Variants in PTPRD observed in about 807,000 individuals in gnomAD.
The protein encoded by PTPRD is receptor-type tyrosine-protein phosphatase delta.
In PTPRD, 34 loss-of-function variants were observed where a neutral mutation model predicts 214.5. That is an observed-to-expected ratio of 0.16 (90% CI 0.12 to 0.21). The LOEUF (loss-of-function observed/expected upper bound fraction) is 0.21, where lower values mean the gene tolerates loss of function less well. Among genes scored for constraint, PTPRD ranks in the 10% least tolerant of loss-of-function variants. PTPRD has a pLI of 1.00. For synonymous variants in PTPRD, 1,128 were observed against 845.7 expected (o/e 1.33, Z -5.79); for missense variants, 2,545 against 2,398.7 (o/e 1.06, Z -1.27).
chr9:10,278,758 A>C (rs1415968765), intron 3 of PTPRD, among the ~76,000 whole-genome samples: 1 of 150,362 alleles, frequency 6.7e-6, no homozygotes, highest in Non-Finnish European at 1.5e-5. Context: ...TGTGTGGTAA[A>C]AGGTTTTTTT....
chr9:9,972,776 G>A (rs1175268181), intron 4 of PTPRD, among the ~76,000 whole-genome samples: 2 of 152,058 alleles, frequency 1.3e-5, no homozygotes, highest in Non-Finnish European at 2.9e-5. Context: ...TGGCTTACGG[G>A]CATCATTACT....
chr9:8,872,457 C>T (rs979566327), intron 11 of PTPRD, among the ~76,000 whole-genome samples: 8 of 152,082 alleles, frequency 5.3e-5, no homozygotes, highest in African/African-American at 1.9e-4. Context: ...CTGTGTAAAA[C>T]TGGGAATATG....
chr9:10,426,968 T>A (rs1389429620), intron 2 of PTPRD, among the ~76,000 whole-genome samples: 1 of 152,080 alleles, frequency 6.6e-6, no homozygotes, highest in Non-Finnish European at 1.5e-5. Flanking sequence ...AGGCCCAATG[T>A]ATCAATATTA....
At chr9:8,548,455 C>T (rs906069224) in intron 14 of PTPRD, among the ~76,000 whole-genome samples, 1 of 151,994 alleles carries the variant, frequency 6.6e-6, no homozygotes, top group Non-Finnish European at 1.5e-5. Context: ...GCAACCTCAC[C>T]CTCCCAGGTT....
chr9:10,309,598 C>G lies in PTPRD; in HGVS notation c.-545+31365G>C, dbSNP rs1433285940. On this transcript the variant is annotated intron_variant, in intron 3 of 45. Coordinates refer to ENST00000381196, the MANE Select transcript of PTPRD (RefSeq NM_002839.4). The stretch of plus-strand genomic sequence containing the variant: ...CAGGCTGGTTTCAAACTCCTGACCT[C>G]AAATGATCTGCCCACCTCAGCCTAC... Among the ~76,000 whole-genome samples the G allele has an allele frequency of 2.6e-5, 4 of 151,240 alleles. No homozygotes were observed. The Admixed American group carries it at 2.6e-4, about 10-fold the overall frequency.
chr9:9,392,101 G>A lies in PTPRD; in HGVS notation c.-203+5348C>T, dbSNP rs117213507. 7.3e-3 allele frequency among the ~76,000 whole-genome samples: 1,114 copies of A among 152,172 alleles called. 12 individuals carry two copies. Among genetic ancestry groups the A allele is most frequent in the Non-Finnish European group, 0.01 (699 of 68,018 alleles). ...AGAGTTCCTGAAAAAAGAAATAGCC[G>A]GAAAAGCAGTGAGGCAAAACTCGTT... On this transcript the variant is annotated intron_variant, in intron 9 of 45. Transcript: ENST00000381196.
intron 2 of PTPRD, among the ~76,000 whole-genome samples, chr9:10,452,672 C>T (rs573116779): frequency 5.4e-4 from 82 of 151,702 alleles, no homozygotes; most frequent in African/African-American, 1.9e-3. Context: ...TCATTTGTTT[C>T]ATTTCGTTTT....
chr9:10,168,171 T>C (rs937262287), intron 3 of PTPRD, among the ~76,000 whole-genome samples: 1 of 152,206 alleles, frequency 6.6e-6, no homozygotes. Context: ...GAAAATTGCA[T>C]TGTAGTTGTC....
chr9:8,480,968 T>C (rs991455542), intron 30 of PTPRD, among the ~76,000 whole-genome samples: 1 of 151,976 alleles, frequency 6.6e-6, no homozygotes, highest in South Asian at 2.1e-4. Flanking sequence ...TGAAATCCCA[T>C]TTCTACTAAA....
intron 4 of PTPRD, among the ~76,000 whole-genome samples, chr9:9,992,815 G>T (rs893766464): frequency 1.3e-5 from 2 of 151,928 alleles, no homozygotes; most frequent in African/African-American, 4.8e-5. Flanking sequence ...TGGGGAGAGG[G>T]GGGAGGGATA....
intron 11 of PTPRD, among the ~76,000 whole-genome samples, chr9:9,018,335 A>T (rs1050627388): frequency 6.6e-6 from 1 of 152,168 alleles, no homozygotes; most frequent in African/African-American, 2.4e-5. Context: ...CACTAAGACA[A>T]TTTTTAAATA....
intron 2 of PTPRD, among the ~76,000 whole-genome samples, chr9:10,497,828 T>C (rs1030885675): frequency 6.6e-6 from 1 of 152,052 alleles, no homozygotes; most frequent in East Asian, 1.9e-4. Context: ...TTTATTGTTT[T>C]ATAAAAATAT....
chr9:8,587,669 G>A (rs943533568), intron 14 of PTPRD, among the ~76,000 whole-genome samples: 7 of 152,162 alleles, frequency 4.6e-5, no homozygotes, highest in Non-Finnish European at 1.0e-4. Context: ...ATAAAGATAT[G>A]CTTAGGTATG....
At chr9:9,777,438 T>C (rs2098807313) in intron 5 of PTPRD, among the ~76,000 whole-genome samples, 1 of 152,094 alleles carries the variant, frequency 6.6e-6, no homozygotes, top group African/African-American at 2.4e-5. Flanking sequence ...CTAATGCTTG[T>C]AATCCCAGCC....
intron 10 of PTPRD, among the ~76,000 whole-genome samples, chr9:9,090,372 G>A (rs2099773826): frequency 6.6e-6 from 1 of 151,996 alleles, no homozygotes; most frequent in African/African-American, 2.4e-5. Context: ...CATCTATATT[G>A]GTGCAAATGA....
intron 5 of PTPRD, among the ~76,000 whole-genome samples, chr9:9,936,294 C>A (rs1196173915): frequency 6.6e-6 from 1 of 151,178 alleles, no homozygotes; most frequent in Non-Finnish European, 1.5e-5. Flanking sequence ...AACAGGCAAC[C>A]TAAAAAATGG....
intron 2 of PTPRD, among the ~76,000 whole-genome samples, chr9:10,602,307 G>C (rs563179002): frequency 1.3e-5 from 2 of 151,710 alleles, no homozygotes; most frequent in Admixed American, 1.3e-4. Flanking sequence ...TAACAAAGAC[G>C]TTTCTCTTGT....
At chr9:9,445,227 C>A (rs971359671) in intron 8 of PTPRD, among the ~76,000 whole-genome samples, 10 of 152,124 alleles carry the variant, frequency 6.6e-5, no homozygotes, top group Non-Finnish European at 1.3e-4. Context: ...AATCCTAGAA[C>A]CAAGCAATCA....
chr9:8,425,177 G>C (rs947541230), intron 35 of PTPRD, among the ~76,000 whole-genome samples: 1 of 152,112 alleles, frequency 6.6e-6, no homozygotes, highest in Non-Finnish European at 1.5e-5. Flanking sequence ...TATGATGCTG[G>C]GTTACATCAG....
Sources: allele counts gnomAD v4.1 joint callset (sites outside exome capture counted in the v4.1 genomes callset), GRCh38; gene constraint gnomAD v4.1.1; transcripts MANE v1.5; gene names NCBI Gene and HGNC (gene_info 2026-07-23, HGNC 2026-07-21).